CD99L2: variants seen among roughly 807,000 people sequenced by gnomAD.
CD99L2 encodes the protein CD99 antigen-like protein 2.
CD99L2 carries 24 observed loss-of-function variants against 27.3 expected under a neutral mutation model. The ratio of observed to expected loss-of-function variants is 0.88; its 90% CI spans 0.64 to 1.24. The LOEUF (loss-of-function observed/expected upper bound fraction) is 1.24, where lower values mean the gene tolerates loss of function less well. Ranked by LOEUF, CD99L2 falls within the 50% of genes most tolerant of loss-of-function variation. The probability of loss-of-function intolerance (pLI) is 0.00; values close to 1 mark genes in which losing one functional copy is unlikely to be tolerated. For synonymous variants in CD99L2, 97 were observed against 87.9 expected (o/e 1.10, Z -0.58); for missense variants, 255 against 221.6 (o/e 1.15, Z -0.96).
At chrX:150,778,216 T>C (rs1411719060) in intron 7 of CD99L2, among the ~76,000 whole-genome samples, 1 of 110,342 alleles carries the variant, frequency 9.1e-6, no homozygotes, top group Non-Finnish European at 1.9e-5. Context: ...CACAGACAGC[T>C]ACTCCCTGAC....
At position 150,789,401 on chromosome X, in the gene CD99L2, C is replaced by T. The variant is rs782615229; in HGVS notation, c.496+4290G>A. Among the ~76,000 whole-genome samples the T allele has an allele frequency of 5.4e-5, 6 of 111,919 alleles. No homozygotes were observed. The East Asian group carries it at 8.4e-4, about 16-fold the overall frequency. The stretch of plus-strand genomic sequence containing the variant: ...CCTCCAGAAGTGCTGGGATTACAGG[C>T]GTGAGCCACCACGCCCGGCCTATGA... On this transcript the variant is annotated intron_variant, in intron 7 of 10. Coordinates refer to ENST00000370377, the MANE Select transcript of CD99L2 (RefSeq NM_031462.4).
intron 7 of CD99L2, among the ~76,000 whole-genome samples, chrX:150,789,711 C>A (rs2045657262): frequency 9.0e-6 from 1 of 111,004 alleles, no homozygotes; most frequent in African/African-American, 3.3e-5. Flanking sequence ...ATAGCAAGAC[C>A]CCATCCCTAC....
chrX:150,793,688 T>C lies in CD99L2; in HGVS notation c.496+3A>G, dbSNP rs1266007431. On this transcript the variant is annotated splice_donor_region_variant and intron_variant, in intron 7 of 10. Coordinates refer to ENST00000370377, the MANE Select transcript of CD99L2 (RefSeq NM_031462.4). Reference sequence around the variant, plus strand: ...TTGTGTTGGCACAAATCAATGCTCCTACCTTTACCCTTGTCAGGTTTGTAT... The same window carrying C: ...TTGTGTTGGCACAAATCAATGCTCCCACCTTTACCCTTGTCAGGTTTGTAT... 3 of 1,185,928 alleles carry C rather than the reference T, an allele frequency of 2.5e-6. No homozygotes were observed. Among genetic ancestry groups the C allele is most frequent in the Admixed American group, 2.4e-5 (1 of 42,245 alleles).
At chrX:150,892,325 G>A (rs1355837803) in intron 1 of CD99L2, among the ~76,000 whole-genome samples, 3 of 110,500 alleles carry the variant, frequency 2.7e-5, no homozygotes, top group African/African-American at 9.9e-5. Context: ...CAGAACAGGA[G>A]GCCGGGCACG....
chrX:150,777,368 G>C (rs2043575426), intron 8 of CD99L2, 76 bp downstream of exon 8: 1 of 1,141,776 alleles, frequency 8.8e-7, no homozygotes, highest in African/African-American at 1.8e-5. Flanking sequence ...TTTTCCCTTG[G>C]CTTAGTGATT....
chrX:150,841,198 T>C (rs1332500733), intron 1 of CD99L2, among the ~76,000 whole-genome samples: 1 of 111,552 alleles, frequency 9.0e-6, no homozygotes, highest in Non-Finnish European at 1.9e-5. Context: ...TTAATGATTG[T>C]GTAGCTGTTA....
intron 1 of CD99L2, among the ~76,000 whole-genome samples, chrX:150,843,807 C>A (rs1466387788): frequency 9.0e-6 from 1 of 111,403 alleles, no homozygotes; most frequent in African/African-American, 3.3e-5. Flanking sequence ...TAAGTACTCA[C>A]ACTATCCCTA....
chrX:150,856,183 C>T (rs1156815748), intron 1 of CD99L2, among the ~76,000 whole-genome samples: 14 of 113,001 alleles, frequency 1.2e-4, no homozygotes, highest in African/African-American at 4.5e-4. Context: ...TAGTTATTGC[C>T]TAAATTGAAC....
chrX:150,888,910 C>T (rs67692798), intron 1 of CD99L2, among the ~76,000 whole-genome samples: 25,439 of 111,237 alleles, frequency 0.23, 2,104 homozygotes, highest in South Asian at 0.35. Flanking sequence ...GCCATCCTTG[C>T]TGCATTATCC....
intron 1 of CD99L2, among the ~76,000 whole-genome samples, chrX:150,895,929 C>T (rs1258535473): frequency 2.9e-5 from 3 of 104,312 alleles, no homozygotes; most frequent in Admixed American, 1.1e-4. Context: ...AGGAGGTTGA[C>T]GCAGGAGAAT....
intron 7 of CD99L2, among the ~76,000 whole-genome samples, chrX:150,791,814 G>A (rs1029083359): frequency 4.5e-5 from 5 of 111,149 alleles, no homozygotes; most frequent in South Asian, 7.6e-4. Flanking sequence ...GACTGTCATC[G>A]TTACCTATAG....
At chrX:150,812,936 C>T (rs2046093957) in intron 4 of CD99L2, among the ~76,000 whole-genome samples, 1 of 111,764 alleles carries the variant, frequency 8.9e-6, no homozygotes, top group East Asian at 2.8e-4. Context: ...AAAGGGTTAT[C>T]TACTTTATAA....
At chrX:150,816,761 G>A (rs1243858392) in intron 2 of CD99L2, among the ~76,000 whole-genome samples, 4 of 107,036 alleles carry the variant, frequency 3.7e-5, no homozygotes, top group African/African-American at 1.0e-4. Flanking sequence ...TGTTTATTGC[G>A]GCACTATTCA....
Position 150,793,570 on chromosome X carries a change from T to C in CD99L2, c.496+121A>G, listed in dbSNP as rs2045731982. 3 of 545,009 alleles carry C rather than the reference T, an allele frequency of 5.5e-6. No individual in the cohort carries two copies. In the Admixed American group the frequency reaches 1.2e-4, roughly 21 times the overall value. The allele number at this position is 545,009 out of a possible 1,213,427, so 44.9% of individuals were successfully genotyped here. On this transcript the variant is annotated intron_variant, in intron 7 of 10. Transcript: ENST00000370377. ...CACATCATTCCAAATGAACCCCAACTGGCAGGCTGGGATGTCTGGGAACTA... is the reference window on the plus strand; with the variant it reads ...CACATCATTCCAAATGAACCCCAACCGGCAGGCTGGGATGTCTGGGAACTA...
intron 1 of CD99L2, among the ~76,000 whole-genome samples, chrX:150,849,956 A>C (rs2046764701): frequency 9.0e-6 from 1 of 111,495 alleles, no homozygotes; most frequent in Admixed American, 9.6e-5. Flanking sequence ...ATATAATATA[A>C]ATTAAATAAG....
chrX:150,826,983 TGA>T (rs2046377171), intron 2 of CD99L2, among the ~76,000 whole-genome samples: 1 of 111,470 alleles, frequency 9.0e-6, no homozygotes, highest in Non-Finnish European at 1.9e-5. Context: ...TGAATTTGGT[TGA>T]GAGTACTCAG....
Position 150,898,665 on chromosome X carries a change from G to GGAGGAGGAGCCC in CD99L2, c.-78_-77insGGGCTCCTCCTC. The GGAGGAGGAGCCC allele has an allele frequency of 1.1e-6, 1 of 943,319 alleles. No individual in the cohort carries two copies. Among genetic ancestry groups the GGAGGAGGAGCCC allele is most frequent in the Non-Finnish European group, 1.4e-6 (1 of 721,443 alleles). The allele number at this position is 943,319 out of a possible 1,213,427, so 77.7% of individuals were successfully genotyped here. A position where few individuals can be genotyped will look rare whatever the true frequency, so the allele number is the denominator to read the frequency against. ...CCGAAGGGGAGGCCGAGGAGGAGCG[G>GGAGGAGGAGCCC]GAGGAGGAGCCCCGCCGCCTCTGCA... On this transcript the variant is annotated 5_prime_UTR_variant, in exon 1 of 11. Transcript: ENST00000370377.
At position 150,807,085 on chromosome X, in the gene CD99L2, A is replaced by G. The variant is rs1335000597; in HGVS notation, c.277+7777T>C. Among the ~76,000 whole-genome samples the G allele has an allele frequency of 5.4e-5, 6 of 111,510 alleles. No individual in the cohort carries two copies. In the East Asian group the frequency reaches 1.1e-3, roughly 21 times the overall value. On this transcript the variant is annotated intron_variant, in intron 4 of 10. Coordinates refer to ENST00000370377, the MANE Select transcript of CD99L2 (RefSeq NM_031462.4). The stretch of plus-strand genomic sequence containing the variant: ...AATAATACAGTTCTGTCACTTTGAC[A>G]TGAGTATACAGAATACCACCTTTCT...
chrX:150,874,161 A>T (rs964963640), intron 1 of CD99L2, among the ~76,000 whole-genome samples: 1 of 111,948 alleles, frequency 8.9e-6, no homozygotes, highest in East Asian at 2.8e-4. Context: ...GGGCTATGAG[A>T]GCCTCACACG....
Sources: allele counts gnomAD v4.1 joint callset (sites outside exome capture counted in the v4.1 genomes callset), GRCh38; gene constraint gnomAD v4.1.1; transcripts MANE v1.5; gene names NCBI Gene and HGNC (gene_info 2026-07-23, HGNC 2026-07-21).